ZNF69: variants seen among roughly 807,000 people sequenced by gnomAD.
ZNF69 encodes the protein ZNF3.
A neutral mutation model predicts 50.9 loss-of-function variants in ZNF69; 47 were observed. That is an observed-to-expected ratio of 0.92 (90% CI 0.73 to 1.18). ZNF69 has a LOEUF of 1.18. ZNF69 is among the 50% of genes most tolerant of loss of function. ZNF69 has a pLI of 0.00. For synonymous variants in ZNF69, 216 were observed against 223.1 expected (o/e 0.97, Z 0.29); for missense variants, 717 against 675.1 (o/e 1.06, Z -0.69).
the ZNF69 span, among the ~76,000 whole-genome samples, chr19:11,976,309 G>C: frequency 0.045 from 6,832 of 151,628 alleles, 235 homozygotes; most frequent in Non-Finnish European, 0.064. Context: ...AGCCCAGGCA[G>C]CTCCCTTTTC....
At chr19:11,977,043 T>A in the ZNF69 span, 14 of 1,614,200 alleles carry the variant, frequency 8.7e-6, no homozygotes, top group African/African-American at 1.2e-4. Flanking sequence ...TTCAGGACCC[T>A]GTGGCCTGTG....
At chr19:11,889,626 G>A (rs1166460402) in intron 1 of ZNF69, among the ~76,000 whole-genome samples, 1 of 152,198 alleles carries the variant, frequency 6.6e-6, no homozygotes, top group African/African-American at 2.4e-5. Context: ...CCTGAAGGGG[G>A]CCTGCCCCTC....
the ZNF69 span, chr19:11,947,198 G>A: frequency 1.2e-6 from 2 of 1,613,772 alleles, no homozygotes; most frequent in Non-Finnish European, 1.7e-6. Flanking sequence ...TGGCCTTTGA[G>A]GATGTGGCTG....
the ZNF69 span, among the ~76,000 whole-genome samples, chr19:11,968,701 G>C: frequency 1.4e-4 from 21 of 152,120 alleles, no homozygotes; most frequent in African/African-American, 5.1e-4. Context: ...AAGTTAAGAG[G>C]GAAATTAGTG....
At chr19:11,966,625 C>T in the ZNF69 span, among the ~76,000 whole-genome samples, 2 of 152,148 alleles carry the variant, frequency 1.3e-5, no homozygotes, top group Non-Finnish European at 2.9e-5. Context: ...CCACCTGCCT[C>T]GGCCTCCCAG....
At chr19:11,914,716 C>T (rs1972506345), downstream of ZNF69, among the ~76,000 whole-genome samples, 1 of 152,168 alleles carries the variant, frequency 6.6e-6, no homozygotes, top group Admixed American at 6.5e-5. Flanking sequence ...AATGAAGCTG[C>T]TCTTCAGAAA....
chr19:11,925,315 T>A, the ZNF69 span: 7 of 1,605,618 alleles, frequency 4.4e-6, no homozygotes, highest in Non-Finnish European at 1.7e-6. Context: ...GGGGAGGGGC[T>A]GCCTGGAACA....
At chr19:11,956,894 C>A in the ZNF69 span, among the ~76,000 whole-genome samples, 1 of 152,100 alleles carries the variant, frequency 6.6e-6, no homozygotes, top group East Asian at 1.9e-4. Context: ...ATGGTGCTCC[C>A]ACTGCAGGTG....
chr19:11,972,608 A>G, the ZNF69 span, among the ~76,000 whole-genome samples: 2 of 152,322 alleles, frequency 1.3e-5, no homozygotes, highest in African/African-American at 4.8e-5. Flanking sequence ...TATGCAAATG[A>G]TAACCAATGT....
the ZNF69 span, chr19:11,947,548 G>A: frequency 6.2e-7 from 1 of 1,613,496 alleles, no homozygotes; most frequent in African/African-American, 1.3e-5. Flanking sequence ...TTGAATATGA[G>A]TACCAAAACC....
At chr19:11,949,696 C>T in the ZNF69 span, 2 of 1,614,040 alleles carry the variant, frequency 1.2e-6, no homozygotes, top group African/African-American at 1.3e-5. Flanking sequence ...TGAAAGGACT[C>T]ACACTGGAGA....
At chr19:11,949,341 TCA>T in the ZNF69 span, 3 of 1,613,520 alleles carry the variant, frequency 1.9e-6, no homozygotes, top group Admixed American at 1.7e-5. Flanking sequence ...ACGGTGGGAC[TCA>T]CACTGGAGAG....
chr19:11,966,203 T>A, the ZNF69 span, among the ~76,000 whole-genome samples: 250 of 152,310 alleles, frequency 1.6e-3, 2 homozygotes, highest in African/African-American at 5.7e-3. Flanking sequence ...TAATGTCTGT[T>A]TTTACATGAA....
intron 1 of ZNF69, among the ~76,000 whole-genome samples, chr19:11,895,428 C>A (rs1001934898): frequency 6.6e-6 from 1 of 152,194 alleles, no homozygotes; most frequent in Non-Finnish European, 1.5e-5. Flanking sequence ...AAGGAGACGT[C>A]GCTCAGGGAG....
chr19:11,970,765 G>C, the ZNF69 span, among the ~76,000 whole-genome samples: 19,221 of 152,026 alleles, frequency 0.13, 2,255 homozygotes, highest in African/African-American at 0.31. Flanking sequence ...AACCCCATCT[G>C]TACTGAAAAT....
the ZNF69 span, among the ~76,000 whole-genome samples, chr19:11,942,768 G>T: frequency 6.6e-6 from 1 of 152,190 alleles, no homozygotes; most frequent in East Asian, 1.9e-4. Context: ...GTTAGGTCAG[G>T]AGTTGATTTT....
At chr19:11,950,456 C>T in the ZNF69 span, 10,461 of 709,100 alleles carry the variant, frequency 0.015, 106 homozygotes, top group South Asian at 0.024. Context: ...AGGACTCACA[C>T]GGGAGAGAAA....
chr19:11,977,984 T>C, the ZNF69 span: 2 of 1,131,870 alleles, frequency 1.8e-6, no homozygotes, highest in East Asian at 2.4e-5. Context: ...ATGTTGTCCA[T>C]TTACCTTCAA....
At chr19:11,978,443 T>G in the ZNF69 span, 5 of 1,614,084 alleles carry the variant, frequency 3.1e-6, no homozygotes, top group Middle Eastern at 1.6e-4. Flanking sequence ...AACCCTATGC[T>G]TGTAAAGAAT....
Sources: allele counts gnomAD v4.1 joint callset (sites outside exome capture counted in the v4.1 genomes callset), GRCh38; gene constraint gnomAD v4.1.1; transcripts MANE v1.5; gene names NCBI Gene and HGNC (gene_info 2026-07-23, HGNC 2026-07-21).